HNF4G: variants seen among roughly 807,000 people sequenced by gnomAD.
HNF4G encodes the protein hepatocyte nuclear factor 4 gamma.
Under a neutral mutation model 50.9 loss-of-function variants are expected in HNF4G, and 21 were observed. The ratio of observed to expected loss-of-function variants is 0.41; its 90% CI spans 0.29 to 0.59. The LOEUF (loss-of-function observed/expected upper bound fraction) is 0.59, where lower values mean the gene tolerates loss of function less well. HNF4G is among the 20% of genes least tolerant of loss of function. The probability of loss-of-function intolerance (pLI) is 0.26; values close to 1 mark genes in which losing one functional copy is unlikely to be tolerated. For missense variants in HNF4G, 527 were observed against 559.4 expected, an observed-to-expected ratio of 0.94 and a Z score of 0.58; for synonymous variants, 198 against 185.6, an observed-to-expected ratio of 1.07 and a Z score of -0.54.
At chr8:75,490,097 G>A (rs1309120973) in exon 2 of HNF4G, 1 of 152,616 alleles carries the variant, frequency 6.6e-6, no homozygotes, top group African/African-American at 2.4e-5. Context: ...AGGAGCACCA[G>A]CGAAAGCAGC....
At chr8:75,420,875 T>A (rs531775376) in intron 1 of HNF4G, among the ~76,000 whole-genome samples, 2 of 152,208 alleles carry the variant, frequency 1.3e-5, no homozygotes, top group Non-Finnish European at 2.9e-5. Context: ...TCTTTACATA[T>A]AACTTGAAAA....
chr8:75,544,563 T>A (rs1039493950), intron 2 of HNF4G, among the ~76,000 whole-genome samples: 15 of 152,092 alleles, frequency 9.9e-5, no homozygotes, highest in African/African-American at 3.6e-4. Flanking sequence ...CATGCCATAT[T>A]TTTTGTCATT....
At chr8:75,516,213 T>C (rs149768458) in intron 2 of HNF4G, among the ~76,000 whole-genome samples, 44 of 152,374 alleles carry the variant, frequency 2.9e-4, no homozygotes, top group Non-Finnish European at 5.1e-4. Context: ...ACACATTTAA[T>C]ATTATATATT....
intron 1 of HNF4G, among the ~76,000 whole-genome samples, chr8:75,451,248 G>C (rs1361432798): frequency 1.3e-5 from 2 of 151,818 alleles, no homozygotes; most frequent in African/African-American, 2.4e-5. Flanking sequence ...TACATATTTT[G>C]TTGTATAGCT....
At chr8:75,506,772 G>A (rs576542977) in intron 2 of HNF4G, among the ~76,000 whole-genome samples, 5 of 152,068 alleles carry the variant, frequency 3.3e-5, no homozygotes, top group South Asian at 2.1e-4. Flanking sequence ...ATTATTTTCC[G>A]CTTCCAGACA....
chr8:75,468,065 A>T (rs527797762), intron 1 of HNF4G, among the ~76,000 whole-genome samples: 6 of 152,346 alleles, frequency 3.9e-5, no homozygotes, highest in African/African-American at 1.4e-4. Context: ...AAATAATTAT[A>T]TCATTGCAAT....
intron 1 of HNF4G, among the ~76,000 whole-genome samples, chr8:75,457,738 G>A (rs1811755215): frequency 6.6e-6 from 1 of 152,032 alleles, no homozygotes; most frequent in South Asian, 2.1e-4. Context: ...GGGGGTGGTG[G>A]CTGCTCAGGT....
intron 1 of HNF4G, among the ~76,000 whole-genome samples, chr8:75,433,412 CAA>C (rs1186388765): frequency 2.7e-4 from 17 of 63,010 alleles, no homozygotes; most frequent in Non-Finnish European, 4.1e-4. Flanking sequence ...TGTCTCAGAA[CAA>C]AAAAAAAAAA....
intron 1 of HNF4G, among the ~76,000 whole-genome samples, chr8:75,476,240 A>G (rs970481337): frequency 1.3e-5 from 2 of 152,218 alleles, no homozygotes; most frequent in Non-Finnish European, 2.9e-5. Flanking sequence ...TTCCAGTTCC[A>G]TACATACAGC....
intron 1 of HNF4G, among the ~76,000 whole-genome samples, chr8:75,456,784 A>C (rs553279315): frequency 3.3e-5 from 5 of 152,040 alleles, no homozygotes; most frequent in Non-Finnish European, 7.4e-5. Context: ...TCTATTGCCT[A>C]GGCTGGAGTG....
Position 75,471,259 on chromosome 8 carries a change from A to G in HNF4G, c.-143-18830A>G, listed in dbSNP as rs1286012404. Among the ~76,000 whole-genome samples, 5 of 152,304 alleles carry G rather than the reference A, an allele frequency of 3.3e-5. No individual in the cohort carries two copies. In the East Asian group the frequency reaches 9.6e-4, roughly 29 times the overall value. ...TTATTCTACTGCCAGTAGGGACTGT[A>G]TATCATGAACAGAAAAGCAGGCATA... is the stretch of plus-strand genomic sequence containing the variant. On this transcript the variant is annotated intron_variant, in intron 1 of 10. Coordinates refer to the HNF4G transcript ENST00000354370.
chr8:75,488,614 C>T (rs1171018931), intron 1 of HNF4G, among the ~76,000 whole-genome samples: 5 of 152,054 alleles, frequency 3.3e-5, no homozygotes, highest in Non-Finnish European at 4.4e-5. Flanking sequence ...TAGAACAATA[C>T]AATCTTTCTT....
At chr8:75,418,758 T>C (rs1810705161) in intron 1 of HNF4G, among the ~76,000 whole-genome samples, 1 of 145,928 alleles carries the variant, frequency 6.9e-6, no homozygotes, top group Non-Finnish European at 1.5e-5. Context: ...ATGGAGTTTC[T>C]CTCTTGTTGC....
At chr8:75,441,247 T>A (rs1017360068) in intron 1 of HNF4G, among the ~76,000 whole-genome samples, 69 of 130,510 alleles carry the variant, frequency 5.3e-4, no homozygotes, top group African/African-American at 2.2e-3. Flanking sequence ...AGATTAGAAC[T>A]TTTTTTTTTT....
intron 9 of HNF4G, among the ~76,000 whole-genome samples, chr8:75,562,960 C>G (rs577621615): frequency 6.6e-6 from 1 of 152,220 alleles, no homozygotes; most frequent in South Asian, 2.1e-4. Context: ...GTCATTTAAA[C>G]TGCACTTAAA....
intron 2 of HNF4G, among the ~76,000 whole-genome samples, chr8:75,525,228 G>A (rs989873840): frequency 6.6e-6 from 1 of 152,108 alleles, no homozygotes; most frequent in African/African-American, 2.4e-5. Context: ...GGAGTGCAGT[G>A]GTGTGATCTT....
Position 75,437,669 on chromosome 8 carries a change from G to C in HNF4G, c.-144+29507G>C, listed in dbSNP as rs892578949. Among the ~76,000 whole-genome samples, 6 of 151,786 alleles carry C rather than the reference G, an allele frequency of 4.0e-5. No homozygotes were observed. In the South Asian group the frequency reaches 1.2e-3, roughly 32 times the overall value. On this transcript the variant is annotated intron_variant, in intron 1 of 10. Coordinates refer to the HNF4G transcript ENST00000354370. ...CAGCCTGGCAACAGAGTGAGACTCC[G>C]TCTCAAAAAAATAATAATAAAAATA...
At chr8:75,515,896 G>A (rs531270619) in intron 2 of HNF4G, among the ~76,000 whole-genome samples, 105 of 152,194 alleles carry the variant, frequency 6.9e-4, no homozygotes, top group Middle Eastern at 3.4e-3. Flanking sequence ...CTCCCGAGTA[G>A]CTGGGATTAC....
intron 1 of HNF4G, among the ~76,000 whole-genome samples, chr8:75,410,557 G>A (rs1810476617): frequency 6.6e-6 from 1 of 152,172 alleles, no homozygotes; most frequent in East Asian, 1.9e-4. Flanking sequence ...AATGGCTGGA[G>A]ATACTGATAC....
Sources: allele counts gnomAD v4.1 joint callset (sites outside exome capture counted in the v4.1 genomes callset), GRCh38; gene constraint gnomAD v4.1.1; transcripts MANE v1.5; gene names NCBI Gene and HGNC (gene_info 2026-07-23, HGNC 2026-07-21).